The following TLL1 variants were observed in gnomAD, a reference collection of about 807,000 sequenced individuals.
TLL1 encodes the protein tolloid like 1, also known as tolloid-like protein 1.
In TLL1, 49 loss-of-function variants were observed where a neutral mutation model predicts 128.2. The observed-to-expected ratio is 0.38, with a 90% CI of 0.30 to 0.48. The LOEUF is 0.48. Among genes scored for constraint, TLL1 ranks in the 20% least tolerant of loss-of-function variants. TLL1 has a pLI of 0.96. For missense variants in TLL1, 1,123 were observed against 1,242.0 expected, an observed-to-expected ratio of 0.90 and a Z score of 1.44; for synonymous variants, 454 against 418.8, an observed-to-expected ratio of 1.08 and a Z score of -1.03.
At chr4:166,044,791 A>G (rs142582854) in intron 12 of TLL1, among the ~76,000 whole-genome samples, 1,873 of 152,312 alleles carry the variant, frequency 0.012, 43 homozygotes, top group African/African-American at 0.041. Flanking sequence ...GTTTTGTGAT[A>G]TTTCAAGAAT....
chr4:166,002,033 T>A (rs552877009), intron 5 of TLL1, among the ~76,000 whole-genome samples: 2 of 152,200 alleles, frequency 1.3e-5, no homozygotes, highest in Non-Finnish European at 2.9e-5. Flanking sequence ...TGTCTTAGTC[T>A]AATCAGGCTG....
At chr4:166,076,579 G>T (rs562884296) in intron 17 of TLL1, among the ~76,000 whole-genome samples, 1 of 152,246 alleles carries the variant, frequency 6.6e-6, no homozygotes, top group African/African-American at 2.4e-5. Flanking sequence ...AAAGGGGTTG[G>T]ATCATCTTTT....
Position 166,102,114 on chromosome 4 carries a change from A to G in TLL1, c.*1238A>G, listed in dbSNP as rs567587667. Reference sequence around the variant, plus strand: ...ATCAAGAGTATATCATTGCAAGGGCAGCACTTGTCCTGTGGAACAACTACT... The same window carrying G: ...ATCAAGAGTATATCATTGCAAGGGCGGCACTTGTCCTGTGGAACAACTACT... On this transcript the variant is annotated 3_prime_UTR_variant, in exon 21 of 21. Coordinates refer to ENST00000061240, the MANE Select transcript of TLL1 (RefSeq NM_012464.5). The G allele has an allele frequency of 6.6e-6, 1 of 152,610 alleles. No individual in the cohort carries two copies. The highest frequency in any genetic ancestry group is 2.4e-5 in the African/African-American group (1 of 41,574). 9.5% of individuals were successfully genotyped at this position (152,610 alleles called of 1,614,324 possible). A position where few individuals can be genotyped will look rare whatever the true frequency, so the allele number is the denominator to read the frequency against.
At chr4:166,006,905 C>A (rs1244967828) in intron 6 of TLL1, among the ~76,000 whole-genome samples, 2 of 151,490 alleles carry the variant, frequency 1.3e-5, no homozygotes, top group Non-Finnish European at 3.0e-5. Flanking sequence ...TTCTTTATTG[C>A]CTTTAGAAAA....
At chr4:165,894,839 ATGAGT>A (rs1201950624) in intron 1 of TLL1, among the ~76,000 whole-genome samples, 1 of 128,184 alleles carries the variant, frequency 7.8e-6, no homozygotes, top group African/African-American at 3.3e-5. Flanking sequence ...TTGTCAAATG[ATGAGT>A]GTGTGTGTGT....
At position 166,055,100 on chromosome 4, in the gene TLL1, T is replaced by C; in HGVS notation, c.1549T>C (p.Tyr517His). 1 of 1,612,132 alleles carries C rather than the reference T, an allele frequency of 6.2e-7. No homozygotes were observed. Among genetic ancestry groups the C allele is most frequent in the Non-Finnish European group, 8.5e-7 (1 of 1,179,380 alleles). ...GATTGAAAGACATGACAATTGTGCT[T>C]ATGACTACCTGGAAGTTAGAGATGG... ...FEIERHDNCA[Y>H]DYLEVRDGTS... Residue 517 changes from tyrosine (Y) to histidine (H), a missense_variant, in exon 13 of 21, where the codon TAT becomes CAT. Around this residue, in one of 3 missense-constraint regions of TLL1, gnomAD observed 634 missense variants for 672.4 expected, o/e 0.94. Coordinates refer to ENST00000061240, the MANE Select transcript of TLL1 (RefSeq NM_012464.5).
intron 1 of TLL1, among the ~76,000 whole-genome samples, chr4:165,941,616 C>T (rs888503912): frequency 1.3e-5 from 2 of 152,102 alleles, no homozygotes; most frequent in South Asian, 4.2e-4. Context: ...ATATTTAATG[C>T]CCAGTGTCAA....
intron 12 of TLL1, among the ~76,000 whole-genome samples, chr4:166,051,792 T>C (rs1739751784): frequency 6.6e-6 from 1 of 152,208 alleles, no homozygotes; most frequent in Non-Finnish European, 1.5e-5. Flanking sequence ...GAGGCACATA[T>C]TATTTTCTAG....
At chr4:165,954,469 T>C (rs538491648) in intron 1 of TLL1, among the ~76,000 whole-genome samples, 8 of 152,172 alleles carry the variant, frequency 5.3e-5, no homozygotes, top group African/African-American at 1.7e-4. Context: ...ATTAGGAGTG[T>C]GAGAGCGAAA....
At chr4:165,990,196 T>G (rs1736573848) in intron 2 of TLL1, among the ~76,000 whole-genome samples, 1 of 151,922 alleles carries the variant, frequency 6.6e-6, no homozygotes, top group Admixed American at 6.6e-5. Flanking sequence ...CTTTGTAGTA[T>G]CTTGGTAAAA....
chr4:165,981,374 G>A (rs781729838), intron 1 of TLL1, among the ~76,000 whole-genome samples: 8 of 152,048 alleles, frequency 5.3e-5, no homozygotes, highest in Non-Finnish European at 8.8e-5. Flanking sequence ...CTTTTGCTGT[G>A]AATAATTTAA....
At chr4:166,041,982 A>G in intron 10 of TLL1, 45 bp from the exon 11 acceptor site, 2 of 1,303,616 alleles carry the variant, frequency 1.5e-6, no homozygotes, top group Non-Finnish European at 2.2e-6. Context: ...CGTAGAATAT[A>G]GAGTCCTATT....
rs1048029697 is a variant in TLL1, at chr4:166,077,922, C to G, written c.2334C>G (p.Ile778Met). 2 of 1,613,494 alleles carry G rather than the reference C, an allele frequency of 1.2e-6. No individual in the cohort carries two copies. Among genetic ancestry groups the G allele is most frequent in the Non-Finnish European group, 1.7e-6 (2 of 1,179,676 alleles). Residue 778 changes from isoleucine to methionine, a missense_variant, in exon 18 of 21, where the codon ATC becomes ATG. Around this residue, in one of 3 missense-constraint regions of TLL1, gnomAD observed 634 missense variants for 672.4 expected, o/e 0.94. Transcript: ENST00000061240. ...GTGCAGCTGAGTGTGAACAGAAGAT[C>G]CACAGTCCAAGTGGCCTCATCACCA... ...DCKEAECEQK[I>M]HSPSGLITSP...
intron 18 of TLL1, among the ~76,000 whole-genome samples, chr4:166,084,486 A>G (rs1400382124): frequency 2.6e-5 from 4 of 152,026 alleles, no homozygotes; most frequent in Non-Finnish European, 4.4e-5. Flanking sequence ...ACTTTTCCCT[A>G]TGTTTTCCTC....
chr4:165,963,295 T>C (rs1233500234), intron 1 of TLL1, among the ~76,000 whole-genome samples: 2 of 151,948 alleles, frequency 1.3e-5, no homozygotes, highest in East Asian at 1.9e-4. Flanking sequence ...AACCTGCACA[T>C]GTACCCCCAT....
intron 1 of TLL1, among the ~76,000 whole-genome samples, chr4:165,921,353 T>C (rs1303299417): frequency 6.6e-6 from 1 of 152,204 alleles, no homozygotes; most frequent in Non-Finnish European, 1.5e-5. Flanking sequence ...AAGTAATTAA[T>C]ATAGAGTAGG....
At chr4:165,972,169 GGTA>G (rs1459056983) in intron 1 of TLL1, among the ~76,000 whole-genome samples, 2 of 152,110 alleles carry the variant, frequency 1.3e-5, no homozygotes, top group Non-Finnish European at 2.9e-5. Flanking sequence ...ATAACTATTA[GGTA>G]GATCACAGAC....
chr4:165,945,223 G>A (rs771059892), intron 1 of TLL1, among the ~76,000 whole-genome samples: 2 of 152,148 alleles, frequency 1.3e-5, no homozygotes, highest in Non-Finnish European at 2.9e-5. Context: ...AGAAGTTTTA[G>A]TGATGTGAAT....
At chr4:165,978,337 T>G (rs566255617) in intron 1 of TLL1, among the ~76,000 whole-genome samples, 1 of 152,094 alleles carries the variant, frequency 6.6e-6, no homozygotes, top group South Asian at 2.1e-4. Context: ...ATAAAATTAA[T>G]TATAATTTTA....
Sources: gnomAD v4.1 joint callset for allele counts (sites outside exome capture counted in the v4.1 genomes callset) on GRCh38, gnomAD v4.1.1 for gene constraint, gnomAD v4.1.1 regional missense constraint, MANE v1.5 for transcripts, NCBI Gene and HGNC (gene_info 2026-07-23, HGNC 2026-07-21) for gene names.